Variants in KYAT1 observed in about 807,000 individuals in gnomAD.
KYAT1 encodes kynurenine--oxoglutarate transaminase 1.
KYAT1 carries 47 observed loss-of-function variants against 52.4 expected under a neutral mutation model. The observed-to-expected ratio is 0.90, with a 90% CI of 0.71 to 1.14. The LOEUF (loss-of-function observed/expected upper bound fraction) is 1.14, where lower values mean the gene tolerates loss of function less well. KYAT1 is among the 50% of genes most tolerant of loss of function. KYAT1 has a pLI of 0.00. For missense variants in KYAT1, 480 were observed against 557.9 expected (o/e 0.86, Z 1.41); for synonymous variants, 212 against 209.6 (o/e 1.01, Z -0.10).
At chr9:128,849,752 C>T (rs1398971115) in intron 1 of KYAT1, among the ~76,000 whole-genome samples, 15 of 146,116 alleles carry the variant, frequency 1.0e-4, no homozygotes, top group Middle Eastern at 3.5e-3. Context: ...GCCGAGATCA[C>T]GCCACTGCAC....
At position 128,842,672 on chromosome 9, in the gene KYAT1, G is replaced by A; in HGVS notation, c.183C>T (p.Asn61=). The change falls in exon 3 of 13, where the codon AAC becomes AAT. Residue 61 remains asparagine, a synonymous_variant. Transcript: ENST00000302586. ...GACTCACAAATGTCTTGGTGTACTG[G>A]TTAAGCATGAAGTCTCCACTGACAG... The part of the protein sequence containing the change: ...QHAVSGDFML[N]QYTKTFGYPP... The A allele has an allele frequency of 6.2e-7, 1 of 1,614,068 alleles. No homozygotes were observed. The highest frequency in any genetic ancestry group is 1.3e-5 in the African/African-American group (1 of 75,048).
At chr9:128,840,568 G>GAA in intron 3 of KYAT1, 2 of 295,578 alleles carry the variant, frequency 6.8e-6, no homozygotes, top group South Asian at 2.6e-5. Context: ...CTAGTTAAAA[G>GAA]AAAAAAAAAA....
chr9:128,874,354 A>G (rs1011240218), intron 1 of KYAT1, among the ~76,000 whole-genome samples: 21 of 150,142 alleles, frequency 1.4e-4, no homozygotes, highest in African/African-American at 5.1e-4. Flanking sequence ...GTTTGTTGCC[A>G]AGGCTGGAGT....
At chr9:128,865,718 C>G (rs1257814298) in intron 1 of KYAT1, among the ~76,000 whole-genome samples, 2 of 152,030 alleles carry the variant, frequency 1.3e-5, no homozygotes, top group African/African-American at 2.4e-5. Context: ...GCCAAAGCAG[C>G]ACAGATGCAT....
chr9:128,835,756 C>T (rs769932177), intron 9 of KYAT1, 23 bp downstream of exon 9: 16 of 1,607,932 alleles, frequency 1.0e-5, no homozygotes, highest in Non-Finnish European at 1.2e-5. Context: ...CCCACTCCCC[C>T]GTGACGTCCT....
Position 128,837,799 on chromosome 9 carries a change from A to G in KYAT1, c.453T>C (p.Asn151=), listed in dbSNP as rs760224652. The change falls in exon 6 of 13, where the codon AAT becomes AAC. Residue 151 remains asparagine (N), a synonymous_variant. Coordinates refer to ENST00000302586, the MANE Select transcript of KYAT1 (RefSeq NM_004059.5). ...FVSLKPGPIQ[N]GELGSSSNWQ... ...AGTTGCTGCTGGAACCCAGTTCTCC[A>G]TTCTGGATGGGACCCTGCAAGAGCA... 6.2e-7 allele frequency: 1 copy of G among 1,613,972 alleles called. No homozygotes were observed. Among genetic ancestry groups the G allele is most frequent in the South Asian group, 1.1e-5 (1 of 91,086 alleles).
intron 1 of KYAT1, among the ~76,000 whole-genome samples, chr9:128,863,403 T>G (rs1588131273): frequency 6.6e-6 from 1 of 150,592 alleles, no homozygotes; most frequent in Admixed American, 6.6e-5. Flanking sequence ...GAGGCTGAGG[T>G]GGGCAGATCG....
At chr9:128,846,079 C>T (rs554282274) in intron 1 of KYAT1, among the ~76,000 whole-genome samples, 1 of 152,344 alleles carries the variant, frequency 6.6e-6, no homozygotes, top group Admixed American at 6.5e-5. Flanking sequence ...CTGGCTCGCC[C>T]CTCCCCTCCC....
At position 128,845,351 on chromosome 9, in the gene KYAT1, A is replaced by G. The variant is rs755255446; in HGVS notation, c.53+2T>C. The G allele has an allele frequency of 8.1e-6, 13 of 1,613,570 alleles. No individual in the cohort carries two copies. Among genetic ancestry groups the G allele is most frequent in the Non-Finnish European group, 1.1e-5 (13 of 1,179,852 alleles). ...CACACCTCCCCAGCCCAGCTGGCTC[A>G]CCAGGGGTTGTAGTCGATCCCGTCT... On this transcript the variant is annotated splice_donor_variant, in intron 2 of 12. Transcript: ENST00000302586. LOFTEE classifies it high-confidence loss of function.
At chr9:128,854,188 C>T (rs1834307037) in intron 1 of KYAT1, among the ~76,000 whole-genome samples, 1 of 152,068 alleles carries the variant, frequency 6.6e-6, no homozygotes, top group South Asian at 2.1e-4. Flanking sequence ...AGTAATAGAA[C>T]ACTCAAAGCT....
At chr9:128,859,839 A>G (rs147280690) in intron 1 of KYAT1, 8,402 of 152,026 alleles carry the variant, frequency 0.055, 274 homozygotes, top group African/African-American at 0.096. Flanking sequence ...TAGTAGAGAC[A>G]GGGTTTCACC....
At chr9:128,881,360 C>T (rs1588180320) in intron 1 of KYAT1, among the ~76,000 whole-genome samples, 2 of 152,232 alleles carry the variant, frequency 1.3e-5, no homozygotes, top group East Asian at 1.9e-4. Flanking sequence ...GGATTACAGA[C>T]GTGAGCCACC....
Position 128,835,536 on chromosome 9 carries a change from C to T in KYAT1, c.987G>A (p.Leu329=). The part of the protein sequence containing the change: ...HMIRSLQSVG[L]KPIIPQGSYF... ...AGCTGCCCTGAGGGATGATGGGCTT[C>T]AGGCCCACTGACTGTAGGCTACGTA... The change falls in exon 10 of 13, where the codon CTG becomes CTA. Residue 329 remains leucine, a synonymous_variant. Transcript: ENST00000302586. 2 of 1,613,762 alleles carry T rather than the reference C, an allele frequency of 1.2e-6. No homozygotes were observed. Among genetic ancestry groups the T allele is most frequent in the African/African-American group, 2.7e-5 (2 of 75,058 alleles).
chr9:128,857,439 G>A (rs1292992384), intron 1 of KYAT1, among the ~76,000 whole-genome samples: 1 of 152,180 alleles, frequency 6.6e-6, no homozygotes, highest in African/African-American at 2.4e-5. Context: ...CAGGTGTGGA[G>A]GGACAGGCCA....
At position 128,836,824 on chromosome 9, in the gene KYAT1, G is replaced by A. The variant is rs538487753; in HGVS notation, c.666C>T (p.Asp222=). The A allele has an allele frequency of 9.3e-5, 150 of 1,613,818 alleles. No individual in the cohort carries two copies. Among genetic ancestry groups the A allele is most frequent in the Non-Finnish European group, 1.2e-4 (136 of 1,179,924 alleles). Residue 222 remains aspartate (D), a synonymous_variant, in exon 7 of 13, where the codon GAC becomes GAT. Coordinates refer to ENST00000302586, the MANE Select transcript of KYAT1 (RefSeq NM_004059.5). ...TDEVYQWMVY[D]GHQHISIASL... ...CACCAATGCTGATGTGCTGGTGCCC[G>A]TCGTAGACCATCCACTGGTAGACTT...
chr9:128,872,958 C>T (rs527919184), intron 1 of KYAT1, among the ~76,000 whole-genome samples: 12 of 151,294 alleles, frequency 7.9e-5, no homozygotes, highest in Non-Finnish European at 1.3e-4. Flanking sequence ...TGCCTGTAAT[C>T]GCAGCTACTT....
intron 11 of KYAT1, among the ~76,000 whole-genome samples, chr9:128,834,562 G>A (rs1322488908): frequency 1.3e-5 from 2 of 152,208 alleles, no homozygotes; most frequent in Admixed American, 6.5e-5. Flanking sequence ...GGTGGCTCAC[G>A]CCTGTAATCC....
intron 1 of KYAT1, among the ~76,000 whole-genome samples, chr9:128,880,465 G>T (rs1005795572): frequency 4.0e-5 from 6 of 150,128 alleles, no homozygotes; most frequent in Admixed American, 3.3e-4. Context: ...TTTTTTAGAC[G>T]GAGTCTTGCT....
intron 3 of KYAT1, chr9:128,840,619 T>G (rs1831978913): frequency 6.8e-6 from 1 of 147,670 alleles, no homozygotes; most frequent in Non-Finnish European, 1.4e-5. Flanking sequence ...ACCCAAATGA[T>G]TTTTTTTTTT....
Sources: allele counts gnomAD v4.1 joint callset (sites outside exome capture counted in the v4.1 genomes callset), GRCh38; gene constraint gnomAD v4.1.1; transcripts MANE v1.5; gene names NCBI Gene and HGNC (gene_info 2026-07-23, HGNC 2026-07-21).